Variants in P3H2 observed in about 807,000 individuals in gnomAD.
P3H2 encodes the protein leprecan-like 1.
P3H2 carries 80 observed loss-of-function variants against 87.0 expected under a neutral mutation model. The ratio of observed to expected loss-of-function variants is 0.92; its 90% CI spans 0.77 to 1.11. P3H2 has a LOEUF of 1.11. Among genes scored for constraint, P3H2 ranks in the 50% least tolerant of loss-of-function variants. The probability of loss-of-function intolerance (pLI) is 0.00; values close to 1 mark genes in which losing one functional copy is unlikely to be tolerated. For synonymous variants in P3H2, 367 were observed against 359.3 expected (o/e 1.02, Z -0.24); for missense variants, 1,001 against 923.9 (o/e 1.08, Z -1.08).
At chr3:190,118,508 A>G (rs1229608468) in intron 1 of P3H2, among the ~76,000 whole-genome samples, 1 of 151,704 alleles carries the variant, frequency 6.6e-6, no homozygotes, top group African/African-American at 2.4e-5. Context: ...AAGAAATTAG[A>G]GTTATACTTC....
intron 1 of P3H2, among the ~76,000 whole-genome samples, chr3:190,117,957 T>G (rs1560025218): frequency 6.6e-6 from 1 of 152,202 alleles, no homozygotes; most frequent in Non-Finnish European, 1.5e-5. Context: ...CTGGTAGAAC[T>G]GAAATGAACA....
intron 1 of P3H2, among the ~76,000 whole-genome samples, chr3:190,070,987 C>A (rs1248390123): frequency 2.0e-5 from 3 of 152,190 alleles, no homozygotes; most frequent in Non-Finnish European, 4.4e-5. Context: ...TTTATTAGAA[C>A]AATTTTAATG....
intron 1 of P3H2, among the ~76,000 whole-genome samples, chr3:190,097,776 A>T (rs1727630660): frequency 6.6e-6 from 1 of 152,184 alleles, no homozygotes; most frequent in Admixed American, 6.5e-5. Context: ...TGTTGTTTTA[A>T]GCAGCAGCTT....
intron 1 of P3H2, among the ~76,000 whole-genome samples, chr3:190,011,426 C>T (rs1724585130): frequency 6.6e-6 from 1 of 152,142 alleles, no homozygotes; most frequent in Admixed American, 6.5e-5. Context: ...CTTAAACCTT[C>T]CATTTTGGTT....
chr3:190,054,583 A>T (rs1322252060), intron 1 of P3H2, among the ~76,000 whole-genome samples: 2 of 152,098 alleles, frequency 1.3e-5, no homozygotes, highest in Non-Finnish European at 2.9e-5. Context: ...AGATGCCAGT[A>T]TCACTCCCTC....
chr3:189,968,626 G>A (rs1039112471), intron 13 of P3H2, among the ~76,000 whole-genome samples: 42 of 152,050 alleles, frequency 2.8e-4, no homozygotes, highest in African/African-American at 9.7e-4. Context: ...GGGATTGCTG[G>A]GTCAAATGGT....
chr3:190,091,741 A>G (rs1188502713), intron 1 of P3H2, among the ~76,000 whole-genome samples: 1 of 152,250 alleles, frequency 6.6e-6, no homozygotes, highest in Non-Finnish European at 1.5e-5. Context: ...GTGAAAGCAA[A>G]GAGATGTTGG....
intron 1 of P3H2, among the ~76,000 whole-genome samples, chr3:190,074,497 C>T (rs1205310453): frequency 2.0e-5 from 3 of 151,808 alleles, no homozygotes; most frequent in African/African-American, 4.8e-5. Context: ...AGTGACAGAG[C>T]GAGACTCTGT....
At chr3:190,019,048 T>C (rs1400331223) in intron 1 of P3H2, among the ~76,000 whole-genome samples, 1 of 152,130 alleles carries the variant, frequency 6.6e-6, no homozygotes, top group Admixed American at 6.5e-5. Context: ...CACATATGAA[T>C]ATGTTTTGAC....
intron 12 of P3H2, chr3:189,971,501 T>C (rs1723177437): frequency 3.5e-6 from 1 of 284,940 alleles, no homozygotes; most frequent in African/African-American, 2.2e-5. Context: ...ACATAGTTCT[T>C]CTTGGGTATG....
chr3:189,966,973 G>A (rs967992292), intron 13 of P3H2, among the ~76,000 whole-genome samples: 19 of 152,138 alleles, frequency 1.2e-4, no homozygotes, highest in African/African-American at 4.1e-4. Context: ...CTCAGAAGAC[G>A]TTACTTCCTT....
chr3:190,017,696 T>C (rs1553875882), intron 1 of P3H2, among the ~76,000 whole-genome samples: 1 of 152,216 alleles, frequency 6.6e-6, no homozygotes, highest in Non-Finnish European at 1.5e-5. Context: ...CTGCAGCCCT[T>C]GTTAGTTAGT....
chr3:189,983,041 C>T lies in P3H2; in HGVS notation c.1324+5G>A, dbSNP rs200679629. 112 of 1,609,014 alleles carry T rather than the reference C, an allele frequency of 7.0e-5. No homozygotes were observed. Among genetic ancestry groups the T allele is most frequent in the Admixed American group, 5.0e-4 (30 of 59,998 alleles). On this transcript the variant is annotated splice_donor_5th_base_variant and intron_variant, in intron 8 of 14. Coordinates refer to ENST00000319332, the MANE Select transcript of P3H2 (RefSeq NM_018192.4). Reference sequence around the variant, plus strand: ...TTTATAGGGTAAAAGTGCACAGCTACTTACCTTCTCTTAGGTCTCGATCTA... The same window carrying T: ...TTTATAGGGTAAAAGTGCACAGCTATTTACCTTCTCTTAGGTCTCGATCTA...
intron 1 of P3H2, among the ~76,000 whole-genome samples, chr3:190,011,551 C>A (rs1724588638): frequency 6.6e-6 from 1 of 152,044 alleles, no homozygotes; most frequent in Non-Finnish European, 1.5e-5. Flanking sequence ...AGATACTTTT[C>A]TGATATTATT....
chr3:190,014,882 A>G (rs1239766292), intron 1 of P3H2, among the ~76,000 whole-genome samples: 1 of 152,222 alleles, frequency 6.6e-6, no homozygotes, highest in Admixed American at 6.5e-5. Context: ...GTAAGACCAG[A>G]CATCAGAAGA....
chr3:189,995,225 T>G, intron 2 of P3H2, 65 bp downstream of exon 2: 3 of 1,486,372 alleles, frequency 2.0e-6, no homozygotes, highest in Non-Finnish European at 2.8e-6. Flanking sequence ...AAATTTGCTG[T>G]GACTCAGATG....
At chr3:190,072,245 T>A (rs1726726399) in intron 1 of P3H2, among the ~76,000 whole-genome samples, 1 of 152,182 alleles carries the variant, frequency 6.6e-6, no homozygotes, top group South Asian at 2.1e-4. Flanking sequence ...CAGGCTGGTC[T>A]TGAACTCCTG....
intron 1 of P3H2, among the ~76,000 whole-genome samples, chr3:189,996,844 C>T (rs965257583): frequency 1.3e-5 from 2 of 152,098 alleles, no homozygotes; most frequent in African/African-American, 4.8e-5. Context: ...CTTTACCACA[C>T]AGCTTTGAGA....
chr3:189,962,456 T>C (rs112620901), intron 14 of P3H2, among the ~76,000 whole-genome samples: 92 of 152,314 alleles, frequency 6.0e-4, no homozygotes, highest in African/African-American at 2.1e-3. Flanking sequence ...ATTATAGGCG[T>C]GAGCCACCAC....
Sources: gnomAD v4.1 joint callset for allele counts (sites outside exome capture counted in the v4.1 genomes callset) on GRCh38, gnomAD v4.1.1 for gene constraint, MANE v1.5 for transcripts, NCBI Gene and HGNC (gene_info 2026-07-23, HGNC 2026-07-21) for gene names.